The following RAB5B variants were observed in gnomAD, a reference collection of about 807,000 sequenced individuals.
The protein encoded by RAB5B is RAB5B, member RAS oncogene family.
In RAB5B, 11 loss-of-function variants were observed where a neutral mutation model predicts 28.6. The observed-to-expected ratio is 0.38, with a 90% confidence interval of 0.24 to 0.64. The LOEUF (loss-of-function observed/expected upper bound fraction) is 0.64. Among genes scored for constraint, RAB5B ranks in the 30% least tolerant of loss-of-function variants. The pLI is 0.53. For synonymous variants in RAB5B, 93 were observed against 97.9 expected (o/e 0.95, Z 0.29); for missense variants, 169 against 265.6 (o/e 0.64, Z 2.53).
Position 55,990,032 on chromosome 12 carries a change from C to T in RAB5B, c.249C>T (p.His83=). ...ACACAGCTGGGCAGGAGCGATATCACAGCTTAGCCCCCATGTACTACAGGG... is the reference window on the plus strand; with the variant it reads ...ACACAGCTGGGCAGGAGCGATATCATAGCTTAGCCCCCATGTACTACAGGG... ...IWDTAGQERY[H]SLAPMYYRGA... Residue 83 remains histidine (H), a synonymous_variant, in exon 3 of 6, where the codon CAC becomes CAT. Transcript: ENST00000360299. 1 of 1,614,192 alleles carries T rather than the reference C, an allele frequency of 6.2e-7. No homozygotes were observed. The highest frequency in any genetic ancestry group is 8.5e-7 in the Non-Finnish European group (1 of 1,180,012).
In RAB5B at chr12:55,994,880, C is replaced by T. The variant is rs1051972671; in HGVS notation, c.*2668C>T. The T allele has an allele frequency of 3.9e-5, 6 of 151,980 alleles. No homozygotes were observed. The highest frequency in any genetic ancestry group is 7.4e-5 in the Non-Finnish European group (5 of 68,000). The allele number at this position is 151,980 out of a possible 1,614,324, so 9.4% of individuals were successfully genotyped here. A position where few individuals can be genotyped will look rare whatever the true frequency, so the allele number is the denominator to read the frequency against. ...TTATTCCCTTTAATCTTTTCTTAAA[C>T]ATCTAGTTTAGAAAATAGCCCTTCT... On this transcript the variant is annotated 3_prime_UTR_variant, in exon 6 of 6. Coordinates refer to ENST00000360299, the MANE Select transcript of RAB5B (RefSeq NM_002868.4).
chr12:55,990,555 T>C, intron 3 of RAB5B, 127 bp from the exon 4 acceptor site: 2 of 1,226,262 alleles, frequency 1.6e-6, no homozygotes, highest in Non-Finnish European at 2.3e-6. Flanking sequence ...TAATGAATTA[T>C]CAGAGACCTG....
rs760478374 is a variant in RAB5B at position 55,986,969 on chromosome 12, C to T, written c.9C>T (p.Ser3=). ...ATTCTGATAATCTGGCCATGACTAG[C>T]AGAAGCACAGCTAGGCCCAATGGGC... The part of the protein sequence containing the change: MT[S]RSTARPNGQP... The change falls in exon 2 of 6, where the codon AGC becomes AGT. Residue 3 remains serine (S), a synonymous_variant. Coordinates refer to ENST00000360299, the MANE Select transcript of RAB5B (RefSeq NM_002868.4). The T allele has an allele frequency of 1.4e-6, 2 of 1,379,798 alleles. No individual in the cohort carries two copies. The highest frequency in any genetic ancestry group is 2.0e-5 in the Admixed American group (1 of 50,558). 85.5% of individuals were successfully genotyped at this position (1,379,798 alleles called of 1,614,324 possible). A position where few individuals can be genotyped will look rare whatever the true frequency, so the allele number is the denominator to read the frequency against.
chr12:55,980,862 T>C, intron 1 of RAB5B: 1 of 1,609,712 alleles, frequency 6.2e-7, no homozygotes, highest in Non-Finnish European at 8.5e-7. Context: ...ACTTGTAGTT[T>C]GATCTTCTTC....
intron 1 of RAB5B, among the ~76,000 whole-genome samples, chr12:55,983,333 ACT>A (rs902182321): frequency 1.3e-5 from 2 of 152,020 alleles, no homozygotes; most frequent in African/African-American, 4.8e-5. Flanking sequence ...CCAGAGTGAG[ACT>A]CTCTCTAAAA....
At position 55,993,048 on chromosome 12, in the gene RAB5B, G is replaced by A. The variant is rs1217311380; in HGVS notation, c.*836G>A. 1 of 176,524 alleles carries A rather than the reference G, an allele frequency of 5.7e-6. No individual in the cohort carries two copies. The highest frequency in any genetic ancestry group is 1.2e-5 in the Non-Finnish European group (1 of 85,692). The allele number at this position is 176,524 out of a possible 1,614,324, so 10.9% of individuals were successfully genotyped here. A position where few individuals can be genotyped will look rare whatever the true frequency, so the allele number is the denominator to read the frequency against. On this transcript the variant is annotated 3_prime_UTR_variant, in exon 6 of 6. Transcript: ENST00000360299. ...ATTTTCACTGGTTGCCTGCATCTTT[G>A]GCTCTGCTGTGATCTGATTGGAGGA...
intron 1 of RAB5B, among the ~76,000 whole-genome samples, chr12:55,975,817 C>T (rs1250212248): frequency 2.6e-5 from 3 of 116,608 alleles, no homozygotes; most frequent in Non-Finnish European, 3.3e-5. Flanking sequence ...TTTTTTGAGA[C>T]GGAGTCTCAC....
In RAB5B at chr12:55,995,015, C is replaced by T. The variant is rs532653435; in HGVS notation, c.*2803C>T. On this transcript the variant is annotated 3_prime_UTR_variant, in exon 6 of 6. Coordinates refer to ENST00000360299, the MANE Select transcript of RAB5B (RefSeq NM_002868.4). ...AGAATGTATATGTGTAGGGTATGGT[C>T]TGTGGATCTTTGGGCCCACTGATCA... The T allele has an allele frequency of 6.6e-6, 1 of 152,064 alleles. No individual in the cohort carries two copies. The highest frequency in any genetic ancestry group is 2.1e-4 in the South Asian group (1 of 4,816). The allele number at this position is 152,064 out of a possible 1,614,324, so 9.4% of individuals were successfully genotyped here.
intron 1 of RAB5B, among the ~76,000 whole-genome samples, chr12:55,981,496 G>A (rs1889807562): frequency 6.6e-6 from 1 of 152,140 alleles, no homozygotes; most frequent in Non-Finnish European, 1.5e-5. Flanking sequence ...TTGGACTCCA[G>A]TGGCTATATA....
At chr12:55,991,139 T>C in intron 4 of RAB5B, 2 of 555,278 alleles carry the variant, frequency 3.6e-6, no homozygotes, top group East Asian at 3.0e-5. Context: ...CTCTCCCCTA[T>C]AATTAAGCTT....
chr12:55,980,984 G>A lies in RAB5B; in HGVS notation c.-92-5885G>A. 1.2e-5 allele frequency: 19 copies of A among 1,613,974 alleles called. No individual in the cohort carries two copies. In the South Asian group the frequency reaches 1.6e-4, roughly 14 times the overall value. On this transcript the variant is annotated intron_variant, in intron 1 of 5. Transcript: ENST00000360299. ...GATCAGACAAGTCTTGCCCACCCCC[G>A]AGTCCCCGATCAGCAGCAACTTGAA...
Position 55,992,672 on chromosome 12 carries a change from G to A in RAB5B, c.*460G>A, listed in dbSNP as rs1592810763. ...GGTGAACCCAGGAACTGAGGAAGGA[G>A]GTTTCCAGTTCATTTACATTAAGGG... On this transcript the variant is annotated 3_prime_UTR_variant, in exon 6 of 6. Transcript: ENST00000360299. 1 of 393,436 alleles carries A rather than the reference G, an allele frequency of 2.5e-6. No homozygotes were observed. The highest frequency in any genetic ancestry group is 8.6e-5 in the East Asian group (1 of 11,618). 24.4% of individuals were successfully genotyped at this position (393,436 alleles called of 1,614,324 possible).
rs75639074 is a variant in RAB5B at position 55,974,117 on chromosome 12, C to G, written c.-115C>G. 6,526 of 152,634 alleles carry G rather than the reference C, an allele frequency of 0.043. 216 individuals carry two copies. The highest frequency in any genetic ancestry group is 0.065 in the Non-Finnish European group (4,459 of 68,252). The allele number at this position is 152,634 out of a possible 1,614,324, so 9.5% of individuals were successfully genotyped here. Reference sequence around the variant, plus strand: ...TGTCTGTTCGACACAGGCTTGGGGCCGACGGGGGAGACGGAGCCCCAGGTA... The same window carrying G: ...TGTCTGTTCGACACAGGCTTGGGGCGGACGGGGGAGACGGAGCCCCAGGTA... On this transcript the variant is annotated 5_prime_UTR_variant, in exon 1 of 6. Coordinates refer to ENST00000360299, the MANE Select transcript of RAB5B (RefSeq NM_002868.4).
In RAB5B at chr12:55,980,778, G is replaced by T. The variant is rs1363977802; in HGVS notation, c.-92-6091G>T. 3.5e-5 allele frequency: 55 copies of T among 1,579,064 alleles called. No homozygotes were observed. In the South Asian group the frequency reaches 4.9e-4, roughly 14 times the overall value. ...TTCTCATCCGTGATGTCGTATGCTA[G>T]GATAATGCCCATGGCTCCACGGTAG... On this transcript the variant is annotated intron_variant, in intron 1 of 5. Transcript: ENST00000360299.
At chr12:55,981,702 A>C (rs1335527572) in intron 1 of RAB5B, among the ~76,000 whole-genome samples, 1 of 151,458 alleles carries the variant, frequency 6.6e-6, no homozygotes, top group African/African-American at 2.4e-5. Context: ...ATTAAAGAAC[A>C]TCCTCCATGG....
chr12:55,975,785 C>T (rs1565784424), intron 1 of RAB5B, among the ~76,000 whole-genome samples: 1 of 147,762 alleles, frequency 6.8e-6, no homozygotes, highest in Non-Finnish European at 1.5e-5. Flanking sequence ...TTTATCACTA[C>T]ATTTCTTTTT....
At chr12:55,988,239 G>A (rs1462340256) in intron 2 of RAB5B, among the ~76,000 whole-genome samples, 1 of 152,218 alleles carries the variant, frequency 6.6e-6, no homozygotes. Flanking sequence ...AGCTGAGGCA[G>A]GAGACTCGCT....
intron 1 of RAB5B, chr12:55,980,982 C>G (rs932862539): frequency 3.7e-6 from 6 of 1,613,898 alleles, no homozygotes; most frequent in African/African-American, 1.3e-5. Context: ...TTGCCCACCC[C>G]CGAGTCCCCG....
intron 1 of RAB5B, chr12:55,980,567 A>G (rs1478832577): frequency 1.3e-6 from 2 of 1,596,802 alleles, no homozygotes; most frequent in African/African-American, 2.7e-5. Flanking sequence ...ATCCACATTC[A>G]TACTGGATTT....
Sources: allele counts gnomAD v4.1 joint callset (sites outside exome capture counted in the v4.1 genomes callset), GRCh38; gene constraint gnomAD v4.1.1; transcripts MANE v1.5; gene names NCBI Gene and HGNC (gene_info 2026-07-23, HGNC 2026-07-21).